The following NRG1 variants were observed in gnomAD, a reference collection of about 807,000 sequenced individuals.
NRG1 encodes the protein pro-neuregulin-1, membrane-bound isoform.
In NRG1, 18 loss-of-function variants were observed where a neutral mutation model predicts 63.8. The observed-to-expected ratio is 0.28, with a 90% CI of 0.19 to 0.42. NRG1 has a LOEUF of 0.42. Among genes scored for constraint, NRG1 ranks in the 10% least tolerant of loss-of-function variants. NRG1 has a pLI of 1.00. For missense variants in NRG1, 762 were observed against 814.7 expected (o/e 0.94, Z 0.79); for synonymous variants, 302 against 301.3 (o/e 1.00, Z -0.02).
At position 31,661,068 on chromosome 8, in the gene NRG1, A is replaced by G. The variant is rs185079370; in HGVS notation, c.37+21637A>G. Among the ~76,000 whole-genome samples the G allele has an allele frequency of 2.2e-4, 33 of 152,304 alleles. No homozygotes were observed. The East Asian group carries it at 5.4e-3, about 25-fold the overall frequency. On this transcript the variant is annotated intron_variant, in intron 1 of 10. Transcript: ENST00000519301. The stretch of plus-strand genomic sequence containing the variant: ...TGTAATGCTGTTATGGTGATGATTT[A>G]GTATTTCCCCAAACAGTTTATATAA...
chr8:31,660,600 C>T (rs531073712), intron 1 of NRG1, among the ~76,000 whole-genome samples: 7 of 152,288 alleles, frequency 4.6e-5, no homozygotes, highest in Non-Finnish European at 7.4e-5. Flanking sequence ...AACAAAACTC[C>T]GGCTCACCAG....
chr8:32,547,590 A>AACAC (rs33943729), upstream of NRG1, among the ~76,000 whole-genome samples: 6,842 of 148,384 alleles, frequency 0.046, 197 homozygotes, highest in East Asian at 0.077. Flanking sequence ...GCACTTACTA[A>AACAC]ACACACACAC....
intron 1 of NRG1, among the ~76,000 whole-genome samples, chr8:31,775,496 G>A (rs916793389): frequency 1.3e-5 from 2 of 152,076 alleles, no homozygotes; most frequent in African/African-American, 4.8e-5. Context: ...TACAGTGTTC[G>A]CTATTCAGGC....
At chr8:31,781,566 A>G (rs1401643560) in intron 1 of NRG1, among the ~76,000 whole-genome samples, 1 of 152,186 alleles carries the variant, frequency 6.6e-6, no homozygotes, top group Non-Finnish European at 1.5e-5. Flanking sequence ...CTGGGATGAC[A>G]GCACACATTG....
At chr8:32,425,556 T>C (rs1044842319) in intron 1 of NRG1, among the ~76,000 whole-genome samples, 1 of 152,214 alleles carries the variant, frequency 6.6e-6, no homozygotes, top group South Asian at 2.1e-4. Flanking sequence ...CACCCATTTC[T>C]TTATATCTGT....
chr8:31,783,889 C>T (rs1337551064), intron 1 of NRG1, among the ~76,000 whole-genome samples: 1 of 152,130 alleles, frequency 6.6e-6, no homozygotes, highest in Non-Finnish European at 1.5e-5. Context: ...ATTATTGAGT[C>T]TAAATATATG....
At chr8:31,860,684 C>T (rs566461314) in intron 1 of NRG1, among the ~76,000 whole-genome samples, 2 of 152,076 alleles carry the variant, frequency 1.3e-5, no homozygotes, top group East Asian at 1.9e-4. Context: ...GATTATTTGG[C>T]GTGTTTGAAT....
intron 1 of NRG1, among the ~76,000 whole-genome samples, chr8:31,691,594 C>CAAAA (rs71208138): frequency 0.05 from 1,756 of 34,950 alleles, 519 homozygotes; most frequent in South Asian, 0.1. Flanking sequence ...GACTCTGTCT[C>CAAAA]AAAAAAAAAA....
intron 1 of NRG1, among the ~76,000 whole-genome samples, chr8:32,038,669 C>A (rs1417105891): frequency 1.3e-5 from 2 of 151,950 alleles, no homozygotes; most frequent in Non-Finnish European, 2.9e-5. Context: ...TTTTGAAATT[C>A]TGATTCAATA....
chr8:32,683,492 T>A (rs2128921201), intron 5 of NRG1, among the ~76,000 whole-genome samples: 1 of 152,298 alleles, frequency 6.6e-6, no homozygotes, highest in Non-Finnish European at 1.5e-5. Flanking sequence ...TTCGGCATAG[T>A]AGCTTTCATG....
At chr8:32,634,246 C>A (rs937062755) in intron 5 of NRG1, among the ~76,000 whole-genome samples, 3 of 152,016 alleles carry the variant, frequency 2.0e-5, no homozygotes, top group Middle Eastern at 3.2e-3. Context: ...ACCTGATCTT[C>A]CCTTTTCATT....
chr8:31,828,969 G>T (rs562122596), intron 1 of NRG1, among the ~76,000 whole-genome samples: 1 of 152,326 alleles, frequency 6.6e-6, no homozygotes, highest in Non-Finnish European at 1.5e-5. Context: ...TTAAGTAGCA[G>T]ATACAGTGCT....
At chr8:31,840,986 A>G (rs1826151196) in intron 1 of NRG1, among the ~76,000 whole-genome samples, 1 of 152,144 alleles carries the variant, frequency 6.6e-6, no homozygotes, top group African/African-American at 2.4e-5. Context: ...ATATTTTGGG[A>G]TGCCTGCTCT....
intron 1 of NRG1, among the ~76,000 whole-genome samples, chr8:32,299,634 T>G (rs2129475006): frequency 6.6e-6 from 1 of 152,230 alleles, no homozygotes; most frequent in East Asian, 1.9e-4. Flanking sequence ...CAAAAGAGAT[T>G]TAATGGACTC....
intron 1 of NRG1, among the ~76,000 whole-genome samples, chr8:31,764,770 G>C (rs1817889255): frequency 6.6e-6 from 1 of 151,532 alleles, no homozygotes; most frequent in South Asian, 2.1e-4. Flanking sequence ...TTAAGTTTTA[G>C]GGTACATGTG....
intron 1 of NRG1, among the ~76,000 whole-genome samples, chr8:32,027,216 A>G (rs924750942): frequency 2.0e-5 from 3 of 152,016 alleles, no homozygotes; most frequent in African/African-American, 7.2e-5. Flanking sequence ...GTTGAGTAGT[A>G]TTTTTATGTT....
chr8:32,598,692 A>G (rs961391576), intron 2 of NRG1, among the ~76,000 whole-genome samples: 19 of 152,290 alleles, frequency 1.2e-4, no homozygotes, highest in Admixed American at 1.1e-3. Flanking sequence ...TATTTGATCT[A>G]AAAATAAGAC....
chr8:31,720,185 A>C (rs1812766774), intron 1 of NRG1, among the ~76,000 whole-genome samples: 2 of 152,162 alleles, frequency 1.3e-5, no homozygotes, highest in African/African-American at 2.4e-5. Flanking sequence ...CCCATATTAG[A>C]TGATCTTGCT....
At chr8:31,678,185 A>T (rs756829650) in intron 1 of NRG1, among the ~76,000 whole-genome samples, 1 of 152,126 alleles carries the variant, frequency 6.6e-6, no homozygotes, top group Non-Finnish European at 1.5e-5. Flanking sequence ...ATTTTCTAAT[A>T]GTGTTTTGTT....
Sources: gnomAD v4.1 joint callset for allele counts (sites outside exome capture counted in the v4.1 genomes callset) on GRCh38, gnomAD v4.1.1 for gene constraint, MANE v1.5 for transcripts, NCBI Gene and HGNC (gene_info 2026-07-23, HGNC 2026-07-21) for gene names.